The following KDM2B variants were observed in gnomAD, a reference collection of about 807,000 sequenced individuals.
KDM2B encodes lysine demethylase 2B, also known as lysine-specific demethylase 2B.
A neutral mutation model predicts 150.0 loss-of-function variants in KDM2B; 26 were observed. The ratio of observed to expected loss-of-function variants is 0.17; its 90% CI spans 0.13 to 0.24. KDM2B has a LOEUF of 0.24. Ranked by LOEUF, KDM2B falls within the 10% of genes least tolerant of loss-of-function variation. The pLI is 1.00. For synonymous variants in KDM2B, 734 were observed against 729.5 expected (o/e 1.01, Z -0.10); for missense variants, 1,265 against 1,816.9 (o/e 0.70, Z 5.52).
chr12:121,462,532 T>G (rs1303076333), intron 12 of KDM2B, among the ~76,000 whole-genome samples: 5 of 152,028 alleles, frequency 3.3e-5, no homozygotes, highest in African/African-American at 1.2e-4. Context: ...CTCGTACTGT[T>G]GCCTGGGCTA....
intron 4 of KDM2B, among the ~76,000 whole-genome samples, chr12:121,565,595 C>T (rs576965751): frequency 5.3e-5 from 8 of 151,062 alleles, no homozygotes; most frequent in Non-Finnish European, 1.0e-4. Context: ...AGAATTAAAA[C>T]GCGCGGGCCA....
At chr12:121,517,237 G>A (rs894578111) in intron 9 of KDM2B, among the ~76,000 whole-genome samples, 1 of 152,124 alleles carries the variant, frequency 6.6e-6, no homozygotes, top group South Asian at 2.1e-4. Context: ...CAGGATGAGG[G>A]GAAGGGGAGA....
the KDM2B span, among the ~76,000 whole-genome samples, chr12:121,421,453 T>TG: frequency 7.1e-6 from 1 of 141,284 alleles, no homozygotes; most frequent in Non-Finnish European, 1.5e-5. Context: ...CTTGGGAGGC[T>TG]GAGGGGGGAG....
In KDM2B at chr12:121,534,509, G is replaced by A; in HGVS notation, c.765C>T (p.Phe255=). ...AACTGAAACTCACCTTCCCACCCCG[G>A]AAAACATGGTACCAAACGGAAGTGC... ...FGGTSVWYHV[F]RGGKIFWLIP... is the part of the protein sequence containing the mutation. The change falls in exon 7 of 23, where the codon TTC becomes TTT. Residue 255 remains phenylalanine (F), a synonymous_variant. Transcript: ENST00000377071. The A allele has an allele frequency of 1.9e-6, 3 of 1,613,878 alleles. No homozygotes were observed. Among genetic ancestry groups the A allele is most frequent in the Non-Finnish European group, 2.5e-6 (3 of 1,179,848 alleles).
chr12:121,408,587 A>G, the KDM2B span, among the ~76,000 whole-genome samples: 2 of 152,208 alleles, frequency 1.3e-5, no homozygotes, highest in South Asian at 4.1e-4. Flanking sequence ...TGCCCTGAGG[A>G]GGCATGCAGA....
intron 2 of KDM2B, among the ~76,000 whole-genome samples, chr12:121,577,173 CTT>C (rs1424289494): frequency 8.5e-5 from 13 of 152,124 alleles, no homozygotes; most frequent in African/African-American, 3.1e-4. Context: ...TAAGGATACA[CTT>C]TAGCTCTCCC....
At chr12:121,519,296 G>A (rs1007140095) in intron 9 of KDM2B, among the ~76,000 whole-genome samples, 20 of 152,226 alleles carry the variant, frequency 1.3e-4, no homozygotes, top group African/African-American at 3.9e-4. Flanking sequence ...AAGACCAGGA[G>A]AGACAGGGGC....
At chr12:121,435,859 G>A (rs192734428) in intron 22 of KDM2B, among the ~76,000 whole-genome samples, 100 of 152,284 alleles carry the variant, frequency 6.6e-4, no homozygotes, top group African/African-American at 2.3e-3. Context: ...AGACCACCCT[G>A]TAAGTGTCGT....
intron 8 of KDM2B, among the ~76,000 whole-genome samples, chr12:121,530,227 C>CAACAA (rs782367087): frequency 3.0e-5 from 2 of 65,786 alleles, no homozygotes; most frequent in African/African-American, 1.1e-4. Context: ...GACTCCCTCT[C>CAACAA]AAAAAAAAAA....
intron 12 of KDM2B, among the ~76,000 whole-genome samples, chr12:121,472,099 G>C (rs536267692): frequency 6.6e-6 from 1 of 152,230 alleles, no homozygotes; most frequent in African/African-American, 2.4e-5. Flanking sequence ...CTCCACCCTG[G>C]GCAACAGAGC....
intron 4 of KDM2B, among the ~76,000 whole-genome samples, chr12:121,572,146 C>T (rs782227823): frequency 6.6e-6 from 1 of 152,148 alleles, no homozygotes; most frequent in Non-Finnish European, 1.5e-5. Flanking sequence ...TGTAGTGAGT[C>T]ATAATCACGC....
chr12:121,483,972 T>C (rs1882454509), intron 12 of KDM2B, among the ~76,000 whole-genome samples: 1 of 151,584 alleles, frequency 6.6e-6, no homozygotes, highest in African/African-American at 2.4e-5. Context: ...CCTTGGCCAA[T>C]GGGCAAGGGG....
Position 121,453,354 on chromosome 12 carries a change from AAC to A in KDM2B, c.1735-12_1735-11del, listed in dbSNP as rs1258096262. The A allele has an allele frequency of 1.3e-6, 2 of 1,555,560 alleles. No individual in the cohort carries two copies. Among genetic ancestry groups the A allele is most frequent in the African/African-American group, 2.7e-5 (2 of 73,374 alleles). On this transcript the variant is annotated splice_polypyrimidine_tract_variant and intron_variant, in intron 12 of 22. Coordinates refer to ENST00000377071, the MANE Select transcript of KDM2B (RefSeq NM_032590.5). The surrounding 1 kb of genome is among the most constrained non-coding windows in gnomAD (Gnocchi z 6.4). Reference sequence around the variant, plus strand: ...GACCCACAGCCCGGTTCTGCAGGGGAACAGACACGACTGGTCAGATGGGGAGA... The same window carrying A: ...GACCCACAGCCCGGTTCTGCAGGGGAAGACACGACTGGTCAGATGGGGAGA...
intron 4 of KDM2B, 122 bp downstream of exon 4, chr12:121,574,425 C>T: frequency 1.2e-6 from 1 of 868,712 alleles, no homozygotes; most frequent in Non-Finnish European, 1.9e-6. Context: ...CCTGCTCCTG[C>T]CTTCTCCCGT....
At chr12:121,446,343 A>C (rs1387751677) in intron 13 of KDM2B, among the ~76,000 whole-genome samples, 1 of 152,240 alleles carries the variant, frequency 6.6e-6, no homozygotes, top group Non-Finnish European at 1.5e-5. Flanking sequence ...GGTTGCAGTG[A>C]GCCGAGACCA....
chr12:121,483,252 G>T (rs534748686), intron 12 of KDM2B, among the ~76,000 whole-genome samples: 20 of 151,930 alleles, frequency 1.3e-4, no homozygotes, highest in Non-Finnish European at 2.2e-4. Context: ...AACAGTGCAA[G>T]ACTCCGTCTC....
chr12:121,514,260 C>G (rs1056710595), intron 9 of KDM2B, among the ~76,000 whole-genome samples: 1 of 152,066 alleles, frequency 6.6e-6, no homozygotes, highest in Non-Finnish European at 1.5e-5. Context: ...ACTACTGGCG[C>G]GCGCACCACC....
intron 11 of KDM2B, among the ~76,000 whole-genome samples, chr12:121,495,049 G>A (rs1331461213): frequency 6.7e-6 from 1 of 150,372 alleles, no homozygotes; most frequent in African/African-American, 2.5e-5. Flanking sequence ...CCAGGCCGGA[G>A]TGCAGTTGTA....
intron 22 of KDM2B, among the ~76,000 whole-genome samples, chr12:121,434,500 CAA>C (rs1166374523): frequency 0.063 from 3,937 of 62,150 alleles, 77 homozygotes; most frequent in East Asian, 0.2. Context: ...GACTCTCTAT[CAA>C]AAAAAAAAAA....
Sources: gnomAD v4.1 joint callset for allele counts (sites outside exome capture counted in the v4.1 genomes callset) on GRCh38, gnomAD v4.1.1 for gene constraint, Gnocchi (gnomAD v3.1) non-coding constraint, MANE v1.5 for transcripts, NCBI Gene and HGNC (gene_info 2026-07-23, HGNC 2026-07-21) for gene names.